WASF1: variants seen among roughly 807,000 people sequenced by gnomAD.
The protein encoded by WASF1 is actin-binding protein WASF1.
WASF1 carries 7 observed loss-of-function variants against 50.5 expected under a neutral mutation model. The observed-to-expected ratio is 0.14, with a 90% CI of 0.08 to 0.26. The LOEUF is 0.26. WASF1 is among the 10% of genes least tolerant of loss of function. WASF1 has a pLI of 1.00. For missense variants in WASF1, 470 were observed against 694.7 expected (o/e 0.68, Z 3.64); for synonymous variants, 205 against 244.0 (o/e 0.84, Z 1.49).
rs146833021 is a variant in WASF1, at chr6:110,127,593, T to C, written c.9A>G (p.Leu3=). Reference sequence around the variant, plus strand: ...GCCTAGGATCGATGTTTCTTTTCACTAGCGGCATCTTGAGATTAACCTTTG... The same window carrying C: ...GCCTAGGATCGATGTTTCTTTTCACCAGCGGCATCTTGAGATTAACCTTTG... The part of the protein sequence containing the change: MP[L]VKRNIDPRHL... The change falls in exon 4 of 11, where the codon CTA becomes CTG. Residue 3 remains leucine, a synonymous_variant. Transcript: ENST00000392589. 5.8e-6 allele frequency: 9 copies of C among 1,562,058 alleles called. No individual in the cohort carries two copies. The African/African-American group carries it at 9.6e-5, about 17-fold the overall frequency.
At chr6:110,122,801 G>C (rs1452125777) in intron 4 of WASF1, among the ~76,000 whole-genome samples, 1 of 151,934 alleles carries the variant, frequency 6.6e-6, no homozygotes, top group Non-Finnish European at 1.5e-5. Flanking sequence ...GTCAATAGTA[G>C]GCTATAGGCA....
At chr6:110,175,023 T>C (rs1389414200) in intron 2 of WASF1, among the ~76,000 whole-genome samples, 2 of 152,082 alleles carry the variant, frequency 1.3e-5, no homozygotes, top group African/African-American at 4.8e-5. Context: ...GTTCACAGAT[T>C]CACTTTCTCA....
intron 1 of WASF1, among the ~76,000 whole-genome samples, chr6:110,178,955 C>T (rs1777065309): frequency 6.6e-6 from 1 of 152,222 alleles, no homozygotes; most frequent in South Asian, 2.1e-4. Flanking sequence ...CCCGCACTCG[C>T]TTTACCGTTA....
chr6:110,138,872 A>G (rs1775089436), intron 3 of WASF1, among the ~76,000 whole-genome samples: 1 of 152,174 alleles, frequency 6.6e-6, no homozygotes, highest in Admixed American at 6.5e-5. Context: ...CCCCCAGGCT[A>G]CAGGCCTTCC....
intron 4 of WASF1, among the ~76,000 whole-genome samples, chr6:110,119,792 T>C (rs560149689): frequency 1.2e-4 from 18 of 152,280 alleles, no homozygotes; most frequent in Admixed American, 1.2e-3. Context: ...AAATCCTCAA[T>C]AAAATACTGG....
Position 110,132,963 on chromosome 6 carries a change from TACAC to T in WASF1, c.-28-5338_-28-5335del, listed in dbSNP as rs142466639. Among the ~76,000 whole-genome samples, 436 of 130,098 alleles carry T rather than the reference TACAC, an allele frequency of 3.4e-3. 2 individuals carry two copies. Among genetic ancestry groups the T allele is most frequent in the African/African-American group, 0.012 (398 of 34,516 alleles). 85.3% of individuals were successfully genotyped at this position (130,098 alleles called of 152,430 possible). On this transcript the variant is annotated intron_variant, in intron 3 of 10. Coordinates refer to ENST00000392589, the MANE Select transcript of WASF1 (RefSeq NM_003931.3). The stretch of plus-strand genomic sequence containing the variant: ...GTTTGTGTGTGTATTCCATGGTGTA[TACAC>T]ACACACACACACACACACACCATGG...
intron 4 of WASF1, among the ~76,000 whole-genome samples, chr6:110,116,036 AAAG>A (rs1169589074): frequency 6.6e-6 from 1 of 152,184 alleles, no homozygotes; most frequent in East Asian, 1.9e-4. Context: ...AGACAATGAG[AAAG>A]AAGACATAGA....
intron 3 of WASF1, among the ~76,000 whole-genome samples, chr6:110,145,554 G>A (rs908544916): frequency 4.6e-5 from 7 of 152,156 alleles, no homozygotes; most frequent in African/African-American, 1.7e-4. Context: ...CAAAGGGAAT[G>A]CTTCCAGTTT....
Position 110,127,478 on chromosome 6 carries a change from T to C in WASF1, c.124A>G (p.Ser42Gly). ...ATTGATATATACTTACTTAGGCTAC[T>C]TAGTTGTCTAATTATATTTGCCAAG... ...ISLANIIRQL[S>G]SLSKYAEDIF... The change falls in exon 4 of 11, where the codon AGT (serine) becomes GGT (glycine). Residue 42 changes from serine (S) to glycine (G), a missense_variant. By Grantham distance (56) the Ser-to-Gly change is moderately conservative. Coordinates refer to ENST00000392589, the MANE Select transcript of WASF1 (RefSeq NM_003931.3). 2 of 1,601,382 alleles carry C rather than the reference T, an allele frequency of 1.2e-6. No homozygotes were observed. The highest frequency in any genetic ancestry group is 2.7e-5 in the African/African-American group (2 of 74,544).
chr6:110,154,122 T>C (rs758971790), intron 3 of WASF1, among the ~76,000 whole-genome samples: 4 of 152,148 alleles, frequency 2.6e-5, no homozygotes, highest in Admixed American at 6.6e-5. Context: ...TACAAATTAT[T>C]TGAATGACGG....
intron 2 of WASF1, among the ~76,000 whole-genome samples, chr6:110,175,274 TAAGGAAACA>T (rs1237358482): frequency 6.6e-6 from 1 of 152,092 alleles, no homozygotes; most frequent in South Asian, 2.1e-4. Flanking sequence ...TAGCTCAAAA[TAAGGAAACA>T]AAGGAAACAA....
intron 4 of WASF1, among the ~76,000 whole-genome samples, chr6:110,115,302 T>C (rs1773752682): frequency 6.6e-6 from 1 of 151,992 alleles, no homozygotes; most frequent in African/African-American, 2.4e-5. Flanking sequence ...CTCTATTGTT[T>C]TGTGCAAATG....
intron 4 of WASF1, among the ~76,000 whole-genome samples, chr6:110,119,499 G>A (rs941354573): frequency 6.6e-6 from 1 of 152,082 alleles, no homozygotes; most frequent in African/African-American, 2.4e-5. Context: ...GGAAGAAGGT[G>A]AATCTCTGAA....
chr6:110,134,246 A>G (rs934609810), intron 3 of WASF1, among the ~76,000 whole-genome samples: 7 of 151,936 alleles, frequency 4.6e-5, no homozygotes, highest in Middle Eastern at 3.4e-3. Context: ...AAGGTGAGAG[A>G]TGAGGATCCA....
intron 3 of WASF1, among the ~76,000 whole-genome samples, chr6:110,152,468 C>T (rs1775867558): frequency 6.6e-6 from 1 of 151,942 alleles, no homozygotes. Context: ...TGTCTTAGTC[C>T]AACAGAAACA....
chr6:110,165,665 A>G (rs1776446195), intron 2 of WASF1, among the ~76,000 whole-genome samples: 1 of 151,728 alleles, frequency 6.6e-6, no homozygotes, highest in African/African-American at 2.4e-5. Flanking sequence ...TTTATAATAT[A>G]TTGTTACATA....
At chr6:110,107,925 G>C (rs933311111) in intron 6 of WASF1, among the ~76,000 whole-genome samples, 1 of 152,046 alleles carries the variant, frequency 6.6e-6, no homozygotes, top group Non-Finnish European at 1.5e-5. Context: ...CCAGCACTTT[G>C]AGAGGCCAAG....
intron 4 of WASF1, among the ~76,000 whole-genome samples, chr6:110,117,119 C>T (rs949172443): frequency 5.9e-5 from 9 of 151,794 alleles, no homozygotes; most frequent in Admixed American, 1.3e-4. Context: ...CAAAGGATTG[C>T]AGCTCCTTGC....
chr6:110,124,274 C>CTCTATATATA (rs1331534646), intron 4 of WASF1, among the ~76,000 whole-genome samples: 6 of 20,496 alleles, frequency 2.9e-4, no homozygotes, highest in African/African-American at 5.4e-4. Flanking sequence ...CTCTCTCTCT[C>CTCTATATATA]TATATATATA....
Sources: gnomAD v4.1 joint callset for allele counts (sites outside exome capture counted in the v4.1 genomes callset) on GRCh38, gnomAD v4.1.1 for gene constraint, MANE v1.5 for transcripts, NCBI Gene and HGNC (gene_info 2026-07-23, HGNC 2026-07-21) for gene names.